GPHN: variants seen among roughly 807,000 people sequenced by gnomAD.
GPHN encodes gephyrin.
Under a neutral mutation model 95.5 loss-of-function variants are expected in GPHN, and 17 were observed. The observed-to-expected ratio is 0.18, with a 90% CI of 0.12 to 0.27. GPHN has a LOEUF of 0.27. GPHN is among the 10% of genes least tolerant of loss of function. The probability of loss-of-function intolerance (pLI) is 1.00; values close to 1 mark genes in which losing one functional copy is unlikely to be tolerated. For missense variants in GPHN, 660 were observed against 978.1 expected, an observed-to-expected ratio of 0.67 and a Z score of 4.34; for synonymous variants, 320 against 322.5, an observed-to-expected ratio of 0.99 and a Z score of 0.08.
At chr14:66,705,983 A>G (rs745996585) in intron 2 of GPHN, among the ~76,000 whole-genome samples, 1 of 152,300 alleles carries the variant, frequency 6.6e-6, no homozygotes, top group Middle Eastern at 3.4e-3. Context: ...ATACAAATCA[A>G]TGTGCAAAAA....
chr14:67,225,096 T>G, the GPHN span: 2 of 1,548,012 alleles, frequency 1.3e-6, no homozygotes. Flanking sequence ...CTTTCCTTAT[T>G]CTTTTTCTTT....
At chr14:67,150,805 T>C (rs1379996307) in intron 18 of GPHN, among the ~76,000 whole-genome samples, 1 of 152,104 alleles carries the variant, frequency 6.6e-6, no homozygotes, top group Non-Finnish European at 1.5e-5. Flanking sequence ...ATAATCCTCC[T>C]GCCTCAGCCT....
At chr14:67,118,632 G>A (rs1199126755) in intron 16 of GPHN, among the ~76,000 whole-genome samples, 1 of 152,066 alleles carries the variant, frequency 6.6e-6, no homozygotes, top group Non-Finnish European at 1.5e-5. Flanking sequence ...GGAGGCTGAG[G>A]CAGGAGAATG....
chr14:66,923,284 C>G (rs1026054336), intron 7 of GPHN, among the ~76,000 whole-genome samples: 16 of 152,026 alleles, frequency 1.1e-4, no homozygotes, highest in African/African-American at 3.9e-4. Context: ...ATCAAAATGT[C>G]ACAAATTCTT....
intron 4 of GPHN, among the ~76,000 whole-genome samples, chr14:66,855,034 A>G (rs1465046351): frequency 6.6e-6 from 1 of 152,024 alleles, no homozygotes; most frequent in East Asian, 1.9e-4. Context: ...TGTAGTAGAG[A>G]CAGGGTTTCA....
the GPHN span, among the ~76,000 whole-genome samples, chr14:67,492,938 A>G: frequency 1.3e-5 from 2 of 152,200 alleles, no homozygotes; most frequent in African/African-American, 4.8e-5. Flanking sequence ...AAGTTTTAAT[A>G]TTATGCCATG....
chr14:66,842,802 T>C, intron 4 of GPHN: 1 of 953,360 alleles, frequency 1.0e-6, no homozygotes, highest in Non-Finnish European at 1.6e-6. Context: ...TAAAAAATGC[T>C]TGGATCCATT....
At chr14:67,359,619 T>C in the GPHN span, 2 of 1,613,030 alleles carry the variant, frequency 1.2e-6, no homozygotes, top group Admixed American at 1.7e-5. Context: ...TCCGGGTTCC[T>C]AAACCTGTGA....
At chr14:67,317,781 A>G in the GPHN span, among the ~76,000 whole-genome samples, 13 of 152,240 alleles carry the variant, frequency 8.5e-5, no homozygotes, top group African/African-American at 2.7e-4. Context: ...AGTAAAAACT[A>G]TGTCCTCTAC....
At chr14:66,549,623 A>G (rs986560155) in intron 1 of GPHN, among the ~76,000 whole-genome samples, 2 of 152,206 alleles carry the variant, frequency 1.3e-5, no homozygotes, top group African/African-American at 4.8e-5. Flanking sequence ...AAGATCATTG[A>G]TTAAGGTGGC....
chr14:66,831,409 C>T (rs2061572906), intron 4 of GPHN, among the ~76,000 whole-genome samples: 1 of 151,984 alleles, frequency 6.6e-6, no homozygotes, highest in African/African-American at 2.4e-5. Context: ...AACCCTTATA[C>T]CTGAAGTATT....
intron 2 of GPHN, among the ~76,000 whole-genome samples, chr14:66,698,218 T>C (rs1186680903): frequency 1.3e-5 from 2 of 152,184 alleles, no homozygotes; most frequent in South Asian, 2.1e-4. Context: ...ATTTTGTTAA[T>C]GTTAGTCTTT....
the GPHN span, chr14:67,587,509 C>T: frequency 2.1e-6 from 1 of 468,148 alleles, no homozygotes; most frequent in South Asian, 2.1e-5. Context: ...TAGACATAGA[C>T]AGGGATGATC....
At chr14:66,601,960 A>G (rs2062266594) in intron 1 of GPHN, among the ~76,000 whole-genome samples, 1 of 152,016 alleles carries the variant, frequency 6.6e-6, no homozygotes, top group South Asian at 2.1e-4. Flanking sequence ...CATAGTGATT[A>G]TCATTTCAGA....
intron 1 of GPHN, among the ~76,000 whole-genome samples, chr14:66,563,165 A>G (rs1443275716): frequency 6.6e-6 from 1 of 151,234 alleles, no homozygotes; most frequent in African/African-American, 2.4e-5. Context: ...AGACCTCTCA[A>G]ATAATAACTT....
chr14:67,630,640 C>T, the GPHN span, among the ~76,000 whole-genome samples: 4 of 152,114 alleles, frequency 2.6e-5, no homozygotes. Flanking sequence ...AGTGCAGTGG[C>T]GCGATCTTGG....
chr14:67,360,716 C>T, the GPHN span: 1 of 152,982 alleles, frequency 6.5e-6, no homozygotes, highest in African/African-American at 2.4e-5. Context: ...GATTGTACAG[C>T]CTCTACAATA....
intron 2 of GPHN, among the ~76,000 whole-genome samples, chr14:66,739,830 A>G (rs758446589): frequency 5.9e-5 from 9 of 152,128 alleles, no homozygotes; most frequent in African/African-American, 1.9e-4. Context: ...AAAAACAACT[A>G]TGCTTACTTA....
At chr14:67,239,788 G>A in the GPHN span, among the ~76,000 whole-genome samples, 2 of 152,162 alleles carry the variant, frequency 1.3e-5, no homozygotes, top group East Asian at 1.9e-4. Context: ...CCCGGGGAGC[G>A]GAGGTTGCAG....
Sources: allele counts gnomAD v4.1 joint callset (sites outside exome capture counted in the v4.1 genomes callset), GRCh38; gene constraint gnomAD v4.1.1; transcripts MANE v1.5; gene names NCBI Gene and HGNC (gene_info 2026-07-23, HGNC 2026-07-21).